CABIN1: variants seen among roughly 807,000 people sequenced by gnomAD.
CABIN1 encodes calcineurin binding protein 1.
In CABIN1, 133 loss-of-function variants were observed where a neutral mutation model predicts 227.7. The observed-to-expected ratio is 0.58, with a 90% confidence interval of 0.51 to 0.67. The LOEUF is 0.67. CABIN1 is among the 30% of genes least tolerant of loss of function. The pLI is 0.00. For missense variants in CABIN1, 2,408 were observed against 2,852.5 expected (o/e 0.84, Z 3.55); for synonymous variants, 1,086 against 1,155.1 (o/e 0.94, Z 1.21).
At chr22:24,045,667 GTTGGTACCAC>G (rs1371200403) in intron 6 of CABIN1, among the ~76,000 whole-genome samples, 2 of 152,010 alleles carry the variant, frequency 1.3e-5, no homozygotes, top group African/African-American at 4.8e-5. Context: ...CAGCCCACTT[GTTGGTACCAC>G]TTTCTGTCTT....
chr22:24,154,852 G>C (rs1443760322), intron 29 of CABIN1, among the ~76,000 whole-genome samples: 1 of 152,174 alleles, frequency 6.6e-6, no homozygotes, highest in Non-Finnish European at 1.5e-5. Flanking sequence ...CCAGCCCAGG[G>C]GTAGGCCAGG....
rs1437582879 is a variant in CABIN1 at position 24,054,886 on chromosome 22, G to A, written c.820G>A (p.Gly274Arg). ...CTCTCCCTTTAGCTGGAAGTGCCTCGGAGAGAGCTTGCTGGCCATGTACAA... is the reference window on the plus strand; with the variant it reads ...CTCTCCCTTTAGCTGGAAGTGCCTCAGAGAGAGCTTGCTGGCCATGTACAA... ...PIPFFTWKCL[G>R]ESLLAMYNHL... The change falls in exon 9 of 37, where the codon GGA becomes AGA. Residue 274 changes from glycine to arginine, a missense_variant. Physicochemically the swap from Gly to Arg is moderately radical, Grantham distance 125. Transcript: ENST00000263119. 2.2e-5 allele frequency: 36 copies of A among 1,614,130 alleles called. No homozygotes were observed. The highest frequency in any genetic ancestry group is 3.0e-5 in the Non-Finnish European group (35 of 1,180,008).
At chr22:24,075,257 G>A (rs1291452596) in intron 18 of CABIN1, among the ~76,000 whole-genome samples, 1 of 152,048 alleles carries the variant, frequency 6.6e-6, no homozygotes, top group African/African-American at 2.4e-5. Flanking sequence ...ATTACTAGTG[G>A]CTTCTGACAT....
intron 28 of CABIN1, among the ~76,000 whole-genome samples, chr22:24,132,142 T>A (rs2044115886): frequency 6.6e-6 from 1 of 152,036 alleles, no homozygotes; most frequent in Non-Finnish European, 1.5e-5. Context: ...GATGGACACC[T>A]GCCTGGGCTG....
intron 10 of CABIN1, among the ~76,000 whole-genome samples, chr22:24,057,144 G>A (rs901559440): frequency 6.6e-6 from 1 of 152,144 alleles, no homozygotes; most frequent in African/African-American, 2.4e-5. Context: ...CACTGTGTTA[G>A]CCAGGATGGT....
At chr22:24,041,316 C>T (rs370542048) in intron 5 of CABIN1, 43 bp downstream of exon 5, 1 of 1,613,282 alleles carries the variant, frequency 6.2e-7, no homozygotes, top group African/African-American at 1.3e-5. Flanking sequence ...GTTTTGAAAG[C>T]TCTTGGTGGA....
chr22:24,158,708 C>T lies in CABIN1; in HGVS notation c.4747-5692C>T, dbSNP rs372003645. On this transcript the variant is annotated intron_variant, in intron 29 of 36. Coordinates refer to ENST00000263119, the MANE Select transcript of CABIN1 (RefSeq NM_012295.4). ...GTTTTTTTCTGGCTTTCTTCAAAAA[C>T]CCCCCACATCCCTTGCTCTCCTAGC... Among the ~76,000 whole-genome samples, 31 of 152,204 alleles carry T rather than the reference C, an allele frequency of 2.0e-4. 1 individual carries two copies. In the East Asian group the frequency reaches 4.3e-3, roughly 21 times the overall value.
intron 23 of CABIN1, among the ~76,000 whole-genome samples, chr22:24,089,649 G>A (rs1022293519): frequency 3.3e-5 from 5 of 152,262 alleles, no homozygotes; most frequent in East Asian, 1.9e-4. Context: ...AATGTGTCAC[G>A]AGGACACAGT....
intron 26 of CABIN1, 188 bp downstream of exon 26, chr22:24,098,380 T>G: frequency 2.3e-6 from 3 of 1,305,762 alleles, no homozygotes. Flanking sequence ...CGAGACATGC[T>G]CAGGGTCGCC....
At chr22:24,156,512 C>T (rs1429449280) in intron 29 of CABIN1, 1 of 160,988 alleles carries the variant, frequency 6.2e-6, no homozygotes, top group Admixed American at 6.4e-5. Flanking sequence ...CGAAAGCCGC[C>T]CGCCAGAGCA....
intron 29 of CABIN1, among the ~76,000 whole-genome samples, chr22:24,149,483 A>G (rs2045355616): frequency 6.6e-6 from 1 of 152,218 alleles, no homozygotes; most frequent in Non-Finnish European, 1.5e-5. Context: ...CATGCTACAG[A>G]TAGGCTCACT....
At chr22:24,167,480 A>G (rs1195411733) in intron 32 of CABIN1, among the ~76,000 whole-genome samples, 167 bp downstream of exon 32, 2 of 152,212 alleles carry the variant, frequency 1.3e-5, no homozygotes, top group Non-Finnish European at 2.9e-5. Flanking sequence ...TTAAAAAGTC[A>G]ATATTCAACC....
In CABIN1 at chr22:24,171,700, T is replaced by G. The variant is rs2046821585; in HGVS notation, c.5758-13T>G. The G allele has an allele frequency of 1.9e-6, 3 of 1,613,892 alleles. No individual in the cohort carries two copies. Among genetic ancestry groups the G allele is most frequent in the Non-Finnish European group, 2.5e-6 (3 of 1,179,982 alleles). Reference sequence around the variant, plus strand: ...CCTAGCCAGCCTTTCTCACCTCTTGTTTGTCCTCACAGGCCTCGGGGGACA... The same window carrying G: ...CCTAGCCAGCCTTTCTCACCTCTTGGTTGTCCTCACAGGCCTCGGGGGACA... On this transcript the variant is annotated splice_polypyrimidine_tract_variant and intron_variant, in intron 33 of 36. Transcript: ENST00000263119.
chr22:24,098,037 A>AG lies in CABIN1; in HGVS notation c.3964dup (p.Asp1322GlyfsTer35). On this transcript the variant is annotated frameshift_variant, in exon 26 of 37. Coordinates refer to ENST00000263119, the MANE Select transcript of CABIN1 (RefSeq NM_012295.4). LOFTEE classifies it high-confidence loss of function. The stretch of plus-strand genomic sequence containing the variant: ...AGGGAGAAGGCCTGCCTGGTGGACG[A>AG]GGACTCCCACTCTTCAGCTGGGACA... The AG allele has an allele frequency of 6.2e-7, 1 of 1,614,164 alleles. No individual in the cohort carries two copies. Among genetic ancestry groups the AG allele is most frequent in the Non-Finnish European group, 8.5e-7 (1 of 1,180,028 alleles).
chr22:24,092,565 C>T (rs1457375027), intron 24 of CABIN1, among the ~76,000 whole-genome samples: 3 of 152,064 alleles, frequency 2.0e-5, no homozygotes, highest in Admixed American at 6.6e-5. Context: ...TTGGCTTTGC[C>T]CTTTCTGAGG....
At position 24,084,692 on chromosome 22, in the gene CABIN1, A is replaced by T. The variant is rs140866838; in HGVS notation, c.3024A>T (p.Leu1008=). ...CCGTGTCTGCTGACTTGGCCAACCT[A>T]CTGAAGAGAATTGCCACCATTGTGC... The part of the protein sequence containing the change: ...TSTVSADLAN[L]LKRIATIVPR... Residue 1008 remains leucine (L), a synonymous_variant, in exon 21 of 37, where the codon CTA becomes CTT. Transcript: ENST00000263119. 15 of 1,614,106 alleles carry T rather than the reference A, an allele frequency of 9.3e-6. No homozygotes were observed. Among genetic ancestry groups the T allele is most frequent in the Non-Finnish European group, 1.3e-5 (15 of 1,180,022 alleles).
In CABIN1 at chr22:24,052,862, C is replaced by T. The variant is rs2038456431; in HGVS notation, c.806+1888C>T. Among the ~76,000 whole-genome samples the T allele has an allele frequency of 2.0e-5, 3 of 151,722 alleles. No individual in the cohort carries two copies. The South Asian group carries it at 6.2e-4, about 32-fold the overall frequency. On this transcript the variant is annotated intron_variant, in intron 8 of 36. Transcript: ENST00000263119. ...TTTACCACCCCTGGTTTCCTCAGTG[C>T]CTAGTAGGCATGAGCAAGAGCAAGG...
chr22:24,026,998 A>G (rs2036141145), intron 1 of CABIN1, among the ~76,000 whole-genome samples: 1 of 152,192 alleles, frequency 6.6e-6, no homozygotes, highest in African/African-American at 2.4e-5. Flanking sequence ...TACTATGTTG[A>G]ATCTTCCAGT....
chr22:24,049,043 C>T lies in CABIN1; in HGVS notation c.527-48C>T, dbSNP rs1177692467. 4 of 1,610,252 alleles carry T rather than the reference C, an allele frequency of 2.5e-6. No homozygotes were observed. The South Asian group carries it at 3.3e-5, about 13-fold the overall frequency. On this transcript the variant is annotated intron_variant, in intron 6 of 36. Transcript: ENST00000263119. ...CTGATGTTAACTGGCAAGGCCAGAGCTTCTGAGTGCGGTCTCAGAAGTCAT... is the reference window on the plus strand; with the variant it reads ...CTGATGTTAACTGGCAAGGCCAGAGTTTCTGAGTGCGGTCTCAGAAGTCAT...
Sources: gnomAD v4.1 joint callset for allele counts (sites outside exome capture counted in the v4.1 genomes callset) on GRCh38, gnomAD v4.1.1 for gene constraint, MANE v1.5 for transcripts, NCBI Gene and HGNC (gene_info 2026-07-23, HGNC 2026-07-21) for gene names.